TIE1: variants seen among roughly 807,000 people sequenced by gnomAD.
TIE1 encodes the protein tyrosine-protein kinase receptor Tie-1.
A neutral mutation model predicts 130.5 loss-of-function variants in TIE1; 89 were observed. That is an observed-to-expected ratio of 0.68 (90% CI 0.57 to 0.81). TIE1 has a LOEUF of 0.81. TIE1 is among the 40% of genes least tolerant of loss of function. The pLI, the probability that TIE1 is intolerant of heterozygous loss-of-function variation, is 0.00. For synonymous variants in TIE1, 568 were observed against 629.4 expected (o/e 0.90, Z 1.46); for missense variants, 1,392 against 1,559.8 (o/e 0.89, Z 1.81).
chr1:43,319,863 C>T lies in TIE1; in HGVS notation c.3107+334C>T. ...GCCACTCAGGAATTGCTCTCATCTT[C>T]CTCCCTGAAGGGCAAGGTCATGCCC... is the stretch of plus-strand genomic sequence containing the variant. On this transcript the variant is annotated intron_variant, in intron 19 of 22. Coordinates refer to ENST00000372476, the MANE Select transcript of TIE1 (RefSeq NM_005424.5). The surrounding 1 kb of genome is among the most constrained non-coding windows in gnomAD (Gnocchi z 4.7). 2.9e-6 allele frequency: 1 copy of T among 350,868 alleles called. No individual in the cohort carries two copies. The allele number at this position is 350,868 out of a possible 1,614,324, so 21.7% of individuals were successfully genotyped here.
Position 43,305,266 on chromosome 1 carries a change from T to A in TIE1, c.407T>A (p.Val136Glu). The A allele has an allele frequency of 6.2e-7, 1 of 1,612,850 alleles. No homozygotes were observed. The highest frequency in any genetic ancestry group is 8.5e-7 in the Non-Finnish European group (1 of 1,179,084). ...CTTCCAGACAAGGTCACACACACTG[T>A]GAACAAAGGTGACACCGCTGTACTT... is the stretch of plus-strand genomic sequence containing the variant. ...HLLPDKVTHT[V>E]NKGDTAVLSA... The change falls in exon 3 of 23, where the codon GTG (valine) becomes GAG (glutamate). Residue 136 changes from valine (V) to glutamate (E), a missense_variant. Physicochemically the swap from Val to Glu is moderately radical, Grantham distance 121. Coordinates refer to ENST00000372476, the MANE Select transcript of TIE1 (RefSeq NM_005424.5).
At position 43,307,585 on chromosome 1, in the gene TIE1, T is replaced by A; in HGVS notation, c.913+13T>A. On this transcript the variant is annotated intron_variant, in intron 6 of 22. Coordinates refer to ENST00000372476, the MANE Select transcript of TIE1 (RefSeq NM_005424.5). The surrounding 1 kb of genome is among the most constrained non-coding windows in gnomAD (Gnocchi z 5.4). ...CAGTGCCAAGAAGGTATGCCTAACC[T>A]ACCCTCATGGTCCCTGACCAAGACA... 1 of 1,613,970 alleles carries A rather than the reference T, an allele frequency of 6.2e-7. No individual in the cohort carries two copies. Among genetic ancestry groups the A allele is most frequent in the South Asian group, 1.1e-5 (1 of 91,078 alleles).
rs1412704632 is a variant in TIE1, at chr1:43,321,732, T to G, written c.3345+17T>G. On this transcript the variant is annotated intron_variant, in intron 22 of 22. Coordinates refer to ENST00000372476, the MANE Select transcript of TIE1 (RefSeq NM_005424.5). ...GCCAGGAAGGTGAGGAGACTGGGGC[T>G]GAGGTGGCGGGCTGGGCTCACAGAG... is the stretch of plus-strand genomic sequence containing the variant. The G allele has an allele frequency of 1.3e-6, 2 of 1,551,118 alleles. No homozygotes were observed. Among genetic ancestry groups the G allele is most frequent in the African/African-American group, 1.4e-5 (1 of 73,134 alleles).
At position 43,321,282 on chromosome 1, in the gene TIE1, G is replaced by GT. The variant is rs1570455279; in HGVS notation, c.3122dup (p.Leu1042ProfsTer23). On this transcript the variant is annotated frameshift_variant, in exon 20 of 23. Coordinates refer to ENST00000372476, the MANE Select transcript of TIE1 (RefSeq NM_005424.5). LOFTEE classifies it high-confidence loss of function. ...TTCTTATTTCAGCTGGTCCTTTGGA[G>GT]TCCTTCTTTGGGAGATAGTGAGCCT... 3 of 1,614,114 alleles carry GT rather than the reference G, an allele frequency of 1.9e-6. No homozygotes were observed. The East Asian group carries it at 6.7e-5, about 36-fold the overall frequency.
chr1:43,312,851 GA>G lies in TIE1; in HGVS notation c.1927+252del, dbSNP rs1646813676. Among the ~76,000 whole-genome samples, 1 of 152,100 alleles carries G rather than the reference GA, an allele frequency of 6.6e-6. No individual in the cohort carries two copies. The highest frequency in any genetic ancestry group is 1.5e-5 in the Non-Finnish European group (1 of 68,002). On this transcript the variant is annotated intron_variant, in intron 12 of 22. Coordinates refer to ENST00000372476, the MANE Select transcript of TIE1 (RefSeq NM_005424.5). This position sits in a 1 kb window ranked among gnomAD's most constrained non-coding sequence, Gnocchi z 5.6. ...ATGGGGAGGTCAGGGTTCATGGCGAGAACCAGGGTCATGGGAGGGCATGAGA... is the reference window on the plus strand; with the variant it reads ...ATGGGGAGGTCAGGGTTCATGGCGAGACCAGGGTCATGGGAGGGCATGAGA...
In TIE1 at chr1:43,312,224, T is replaced by C. The variant is rs928191551; in HGVS notation, c.1631-81T>C. Reference sequence around the variant, plus strand: ...CTGCCTTTCCCACTGGAGGTTGTTCTTCCTTGTTCACTGGGGATCATTGTC... The same window carrying C: ...CTGCCTTTCCCACTGGAGGTTGTTCCTCCTTGTTCACTGGGGATCATTGTC... On this transcript the variant is annotated intron_variant, in intron 11 of 22. Transcript: ENST00000372476. This position sits in a 1 kb window ranked among gnomAD's most constrained non-coding sequence, Gnocchi z 5.6. 5 of 1,513,222 alleles carry C rather than the reference T, an allele frequency of 3.3e-6. No individual in the cohort carries two copies. Among genetic ancestry groups the C allele is most frequent in the Non-Finnish European group, 4.4e-6 (5 of 1,130,610 alleles). The allele number at this position is 1,513,222 out of a possible 1,614,324, so 93.7% of individuals were successfully genotyped here.
At position 43,318,119 on chromosome 1, in the gene TIE1, G is replaced by A. The variant is rs1438240162; in HGVS notation, c.2922+47G>A. On this transcript the variant is annotated intron_variant, in intron 17 of 22. Transcript: ENST00000372476. This position sits in a 1 kb window ranked among gnomAD's most constrained non-coding sequence, Gnocchi z 4.4. ...TGGAGGCCAGAGGGGGAAGCCACTGGGCTGGTGTCAGTGGAAGAAGTCAGC... is the reference window on the plus strand; with the variant it reads ...TGGAGGCCAGAGGGGGAAGCCACTGAGCTGGTGTCAGTGGAAGAAGTCAGC... 2 of 1,504,238 alleles carry A rather than the reference G, an allele frequency of 1.3e-6. No individual in the cohort carries two copies. The highest frequency in any genetic ancestry group is 4.7e-5 in the East Asian group (2 of 42,642). 93.2% of individuals were successfully genotyped at this position (1,504,238 alleles called of 1,614,324 possible).
At chr1:43,308,676 C>T (rs1286773810) in intron 7 of TIE1, among the ~76,000 whole-genome samples, 2 of 152,116 alleles carry the variant, frequency 1.3e-5, no homozygotes, top group African/African-American at 4.8e-5. Context: ...AGGAGACCCT[C>T]GAGGACTCTG....
Position 43,322,790 on chromosome 1 carries a change from C to A in TIE1, c.*68C>A, listed in dbSNP as rs1646932406. The A allele has an allele frequency of 9.5e-6, 14 of 1,478,314 alleles. No individual in the cohort carries two copies. The Admixed American group carries it at 2.1e-4, about 22-fold the overall frequency. 91.6% of individuals were successfully genotyped at this position (1,478,314 alleles called of 1,614,324 possible). On this transcript the variant is annotated 3_prime_UTR_variant, in exon 23 of 23. Coordinates refer to ENST00000372476, the MANE Select transcript of TIE1 (RefSeq NM_005424.5). The surrounding 1 kb of genome is among the most constrained non-coding windows in gnomAD (Gnocchi z 4.0). ...CTCTGCTGTCTAACCTGTGACCAGT[C>A]TGACCCTTACAGCCTCTGACTTAAG...
At chr1:43,305,938 C>G (rs1646724386) in intron 3 of TIE1, among the ~76,000 whole-genome samples, 1 of 152,244 alleles carries the variant, frequency 6.6e-6, no homozygotes, top group Admixed American at 6.5e-5. Context: ...CTGACTCTTG[C>G]ATACCTGGGC....
In TIE1 at chr1:43,306,009, C is replaced by T. The variant is rs530907733; in HGVS notation, c.484+666C>T. 1.4e-4 allele frequency among the ~76,000 whole-genome samples: 22 copies of T among 152,306 alleles called. No individual in the cohort carries two copies. Among genetic ancestry groups the T allele is most frequent in the African/African-American group, 4.3e-4 (18 of 41,562 alleles). On this transcript the variant is annotated intron_variant, in intron 3 of 22. Transcript: ENST00000372476. This position sits in a 1 kb window ranked among gnomAD's most constrained non-coding sequence, Gnocchi z 4.9. ...GGGCTGCCTCCTGAGCTCTGGACCC[C>T]GTGAATTGACAGGAAATGTGAAGAG...
chr1:43,319,512 T>C lies in TIE1; in HGVS notation c.3090T>C (p.Tyr1030=), dbSNP rs1440059204. ...MAIESLNYSV[Y]TTKSDVWSFG... Reference sequence around the variant, plus strand: ...TTGAGTCCCTGAACTACAGTGTCTATACCACCAAGAGTGATGTGTGAGTGT... The same window carrying C: ...TTGAGTCCCTGAACTACAGTGTCTACACCACCAAGAGTGATGTGTGAGTGT... Residue 1030 remains tyrosine, a synonymous_variant, in exon 19 of 23, where the codon TAT becomes TAC. Coordinates refer to ENST00000372476, the MANE Select transcript of TIE1 (RefSeq NM_005424.5). The surrounding 1 kb of genome is among the most constrained non-coding windows in gnomAD (Gnocchi z 4.7). The C allele has an allele frequency of 2.5e-6, 4 of 1,614,024 alleles. No homozygotes were observed. The East Asian group carries it at 6.7e-5, about 27-fold the overall frequency.
chr1:43,309,362 C>T lies in TIE1; in HGVS notation c.1189-26C>T. ...CACAGAGGTGCCCGTTCCCTGTGAC[C>T]TGTCCCCTTCCCCCATCTCTTTTAG... On this transcript the variant is annotated intron_variant, in intron 8 of 22. Coordinates refer to ENST00000372476, the MANE Select transcript of TIE1 (RefSeq NM_005424.5). The surrounding 1 kb of genome is among the most constrained non-coding windows in gnomAD (Gnocchi z 6.3). 6.4e-7 allele frequency: 1 copy of T among 1,565,000 alleles called. No homozygotes were observed.
At position 43,307,059 on chromosome 1, in the gene TIE1, T is replaced by C. The variant is rs1646736328; in HGVS notation, c.640+64T>C. 6.2e-7 allele frequency: 1 copy of C among 1,612,590 alleles called. No individual in the cohort carries two copies. Among genetic ancestry groups the C allele is most frequent in the Admixed American group, 1.7e-5 (1 of 59,976 alleles). The stretch of plus-strand genomic sequence containing the variant: ...GGCTGGGAGCCCTATGGGTACTTCC[T>C]GTGGGTCCCCTGGAGCCCCTGGATC... On this transcript the variant is annotated intron_variant, in intron 4 of 22. Transcript: ENST00000372476. The surrounding 1 kb of genome is among the most constrained non-coding windows in gnomAD (Gnocchi z 5.4).
Position 43,317,533 on chromosome 1 carries a change from C to G in TIE1, c.2621-31C>G. 1 of 1,610,110 alleles carries G rather than the reference C, an allele frequency of 6.2e-7. No individual in the cohort carries two copies. Among genetic ancestry groups the G allele is most frequent in the Non-Finnish European group, 8.5e-7 (1 of 1,176,896 alleles). On this transcript the variant is annotated intron_variant, in intron 15 of 22. Coordinates refer to ENST00000372476, the MANE Select transcript of TIE1 (RefSeq NM_005424.5). This position sits in a 1 kb window ranked among gnomAD's most constrained non-coding sequence, Gnocchi z 5.1. ...GCCAGCCCTTTCTCCAGAGTTATTT[C>G]TGGCAAAATAATATTGGATTCTTTA...
At position 43,306,816 on chromosome 1, in the gene TIE1, C is replaced by A. The variant is rs193102602; in HGVS notation, c.485-24C>A. 1 of 1,591,294 alleles carries A rather than the reference C, an allele frequency of 6.3e-7. No individual in the cohort carries two copies. The highest frequency in any genetic ancestry group is 8.6e-7 in the Non-Finnish European group (1 of 1,168,816). ...CACAGCCCTCATGTAGTGCTGAGGC[C>A]CCTGACACATTCATGTCCCCCAGGA... On this transcript the variant is annotated intron_variant, in intron 3 of 22. Coordinates refer to ENST00000372476, the MANE Select transcript of TIE1 (RefSeq NM_005424.5). The surrounding 1 kb of genome is among the most constrained non-coding windows in gnomAD (Gnocchi z 4.9).
chr1:43,304,057 C>G (rs1335884095), intron 1 of TIE1, among the ~76,000 whole-genome samples: 1 of 149,458 alleles, frequency 6.7e-6, no homozygotes, highest in Non-Finnish European at 1.5e-5. Context: ...TGGGGCTGCC[C>G]TCCCTGGCTC....
In TIE1 at chr1:43,309,583, C is replaced by G. The variant is rs373308222; in HGVS notation, c.1333+51C>G. The G allele has an allele frequency of 1.3e-6, 2 of 1,520,100 alleles. No homozygotes were observed. The highest frequency in any genetic ancestry group is 2.2e-5 in the Admixed American group (1 of 45,138). 94.2% of individuals were successfully genotyped at this position (1,520,100 alleles called of 1,614,324 possible). On this transcript the variant is annotated intron_variant, in intron 9 of 22. Transcript: ENST00000372476. The surrounding 1 kb of genome is among the most constrained non-coding windows in gnomAD (Gnocchi z 6.3). ...GAATGGACGGTGAGCAGAGTAGGCT[C>G]TAGATGATGCTGCTCAGGCTGGAGA...
rs781354298 is a variant in TIE1 at position 43,311,660 on chromosome 1, T to C, written c.1334-11T>C. ...CTGTGTGCCCATGCCTTACCCTGAG[T>C]CTCCTGGCAGTGCCCCCCGTGCCCC... On this transcript the variant is annotated splice_polypyrimidine_tract_variant and intron_variant, in intron 9 of 22. Transcript: ENST00000372476. 12 of 1,609,164 alleles carry C rather than the reference T, an allele frequency of 7.5e-6. No homozygotes were observed. The Admixed American group carries it at 2.0e-4, about 27-fold the overall frequency.
Sources: allele counts gnomAD v4.1 joint callset (sites outside exome capture counted in the v4.1 genomes callset), GRCh38; gene constraint gnomAD v4.1.1; non-coding constraint Gnocchi (gnomAD v3.1); transcripts MANE v1.5; gene names NCBI Gene and HGNC (gene_info 2026-07-23, HGNC 2026-07-21).